MARCHF5: variants seen among roughly 807,000 people sequenced by gnomAD.
MARCHF5 encodes membrane associated ring-CH-type finger 5.
A neutral mutation model predicts 36.5 loss-of-function variants in MARCHF5; 5 were observed. The observed-to-expected ratio is 0.14, with a 90% confidence interval of 0.07 to 0.29. The LOEUF (loss-of-function observed/expected upper bound fraction) is 0.29. Ranked by LOEUF, MARCHF5 falls within the 10% of genes least tolerant of loss-of-function variation. The pLI, the probability that MARCHF5 is intolerant of heterozygous loss-of-function variation, is 1.00. For missense variants in MARCHF5, 179 were observed against 336.3 expected (o/e 0.53, Z 3.66); for synonymous variants, 103 against 109.9 (o/e 0.94, Z 0.39).
At chr10:92,311,384 A>T (rs1465619515) in intron 2 of MARCHF5, 47 bp downstream of exon 2, 3 of 1,275,826 alleles carry the variant, frequency 2.4e-6, no homozygotes, top group Non-Finnish European at 2.2e-6. Flanking sequence ...ATGTTATTAT[A>T]TATAACTTTA....
At chr10:92,309,025 A>G (rs1843113051) in intron 1 of MARCHF5, among the ~76,000 whole-genome samples, 1 of 152,196 alleles carries the variant, frequency 6.6e-6, no homozygotes, top group Non-Finnish European at 1.5e-5. Context: ...TTTAAATGTC[A>G]GTTCTAAAAA....
Position 92,291,815 on chromosome 10 carries a change from T to C in MARCHF5, c.35+286T>C, listed in dbSNP as rs919643694. 9.2e-5 allele frequency among the ~76,000 whole-genome samples: 14 copies of C among 152,252 alleles called. No homozygotes were observed. The South Asian group carries it at 2.3e-3, about 25-fold the overall frequency. ...CTCCTGTTAATCCACAAAATTAGTT[T>C]TCCTTACCCTCTTCCCCTCCCCCTT... is the stretch of plus-strand genomic sequence containing the variant. On this transcript the variant is annotated intron_variant, in intron 1 of 5. Coordinates refer to ENST00000358935, the MANE Select transcript of MARCHF5 (RefSeq NM_017824.5).
chr10:92,305,267 C>T (rs1325763285), intron 1 of MARCHF5, among the ~76,000 whole-genome samples: 7 of 152,006 alleles, frequency 4.6e-5, no homozygotes, highest in East Asian at 1.9e-4. Flanking sequence ...ATTAGCCAGA[C>T]GTGGTGGCAC....
Position 92,291,522 on chromosome 10 carries a change from C to T in MARCHF5, c.28C>T (p.Leu10=). Residue 10 remains leucine (L), a synonymous_variant, in exon 1 of 6, where the codon CTG becomes TTG. Coordinates refer to ENST00000358935, the MANE Select transcript of MARCHF5 (RefSeq NM_017824.5). ...GCCGGACCAAGCCCTACAGCAGATGCTGGACAGGTACGGGCAGCTGTGGGG... is the reference window on the plus strand; with the variant it reads ...GCCGGACCAAGCCCTACAGCAGATGTTGGACAGGTACGGGCAGCTGTGGGG... MPDQALQQM[L]DRSCWVCFAT... is the part of the protein sequence containing the mutation. 2 of 1,546,184 alleles carry T rather than the reference C, an allele frequency of 1.3e-6. No homozygotes were observed. The highest frequency in any genetic ancestry group is 1.7e-6 in the Non-Finnish European group (2 of 1,145,018).
chr10:92,331,172 C>T (rs964317872), intron 2 of MARCHF5, among the ~76,000 whole-genome samples: 2 of 151,980 alleles, frequency 1.3e-5, no homozygotes, highest in African/African-American at 2.4e-5. Flanking sequence ...TTAGTGCTGC[C>T]AGCTGTTTTT....
At chr10:92,334,816 TC>T (rs1843484102) in intron 2 of MARCHF5, among the ~76,000 whole-genome samples, 1 of 152,240 alleles carries the variant, frequency 6.6e-6, no homozygotes, top group South Asian at 2.1e-4. Flanking sequence ...CTTTTTTATG[TC>T]ATTCATGTCT....
chr10:92,337,121 C>CAAAAAAAA (rs199761409), intron 2 of MARCHF5, among the ~76,000 whole-genome samples: 3 of 129,476 alleles, frequency 2.3e-5, no homozygotes, highest in East Asian at 4.5e-4. Flanking sequence ...GACTCTGTCT[C>CAAAAAAAA]AAAAAAAAAA....
At chr10:92,299,406 C>T (rs1842986426) in intron 1 of MARCHF5, among the ~76,000 whole-genome samples, 1 of 152,132 alleles carries the variant, frequency 6.6e-6, no homozygotes, top group African/African-American at 2.4e-5. Flanking sequence ...CTTTCCTGCA[C>T]TCCCCTTCAT....
In MARCHF5 at chr10:92,311,078, A is replaced by G. The variant is rs1843139670; in HGVS notation, c.36-57A>G. On this transcript the variant is annotated intron_variant, in intron 1 of 5. Transcript: ENST00000358935. Reference sequence around the variant, plus strand: ...TCCCATTAAGTAAGAGCTGCAGTATAGAGGAGGCTGGAGTCCTAAAGATAT... The same window carrying G: ...TCCCATTAAGTAAGAGCTGCAGTATGGAGGAGGCTGGAGTCCTAAAGATAT... 3.1e-6 allele frequency: 4 copies of G among 1,301,184 alleles called. No homozygotes were observed. In the African/African-American group the frequency reaches 4.4e-5, roughly 14 times the overall value. 80.6% of individuals were successfully genotyped at this position (1,301,184 alleles called of 1,614,324 possible). A position where few individuals can be genotyped will look rare whatever the true frequency, so the allele number is the denominator to read the frequency against.
intron 1 of MARCHF5, among the ~76,000 whole-genome samples, chr10:92,294,123 A>G (rs1842923136): frequency 6.6e-6 from 1 of 152,212 alleles, no homozygotes; most frequent in African/African-American, 2.4e-5. Flanking sequence ...TGTTTTAGAT[A>G]TGGCAGAAAC....
intron 2 of MARCHF5, among the ~76,000 whole-genome samples, chr10:92,332,946 C>T (rs973875334): frequency 2.0e-5 from 3 of 151,864 alleles, no homozygotes; most frequent in Non-Finnish European, 4.4e-5. Context: ...GGGCGGATTA[C>T]CTGAGGTCAG....
chr10:92,311,045 C>T, intron 1 of MARCHF5, 90 bp from the exon 2 acceptor site: 1 of 863,084 alleles, frequency 1.2e-6, no homozygotes, highest in Non-Finnish European at 1.8e-6. Context: ...TATAACATAG[C>T]AGGCTCATCC....
intron 1 of MARCHF5, among the ~76,000 whole-genome samples, chr10:92,297,995 C>T (rs939134237): frequency 2.0e-5 from 3 of 152,094 alleles, no homozygotes; most frequent in Non-Finnish European, 2.9e-5. Context: ...CTCAGGAGTT[C>T]AAGACCAGCC....
intron 1 of MARCHF5, among the ~76,000 whole-genome samples, chr10:92,295,410 T>A (rs1190243736): frequency 8.6e-5 from 12 of 139,382 alleles, no homozygotes; most frequent in East Asian, 8.2e-4. Flanking sequence ...TTTATTTATT[T>A]TTTATTTTTT....
At chr10:92,333,281 T>C (rs538804889) in intron 2 of MARCHF5, among the ~76,000 whole-genome samples, 6 of 152,038 alleles carry the variant, frequency 3.9e-5, no homozygotes, top group African/African-American at 7.2e-5. Context: ...AGTCAAGTAC[T>C]GGCCACAGAG....
At chr10:92,316,128 C>G (rs752092995) in intron 2 of MARCHF5, among the ~76,000 whole-genome samples, 3 of 151,952 alleles carry the variant, frequency 2.0e-5, no homozygotes, top group Non-Finnish European at 4.4e-5. Flanking sequence ...GGTTAATATT[C>G]TATGGGATGA....
intron 1 of MARCHF5, among the ~76,000 whole-genome samples, chr10:92,293,878 C>T (rs1294763312): frequency 6.6e-6 from 1 of 152,090 alleles, no homozygotes; most frequent in Admixed American, 6.6e-5. Context: ...CACTGGCTTA[C>T]TCTCATCTTT....
At chr10:92,338,034 A>G (rs1843525994) in intron 2 of MARCHF5, among the ~76,000 whole-genome samples, 1 of 151,850 alleles carries the variant, frequency 6.6e-6, no homozygotes. Flanking sequence ...AATTTAAATA[A>G]AGAAAATTAG....
At chr10:92,342,222 G>T (rs890254057) in intron 3 of MARCHF5, among the ~76,000 whole-genome samples, 29 of 149,702 alleles carry the variant, frequency 1.9e-4, no homozygotes, top group South Asian at 4.3e-4. Context: ...GCAATCAAGG[G>T]TCACTGCAGC....
Sources: allele counts gnomAD v4.1 joint callset (sites outside exome capture counted in the v4.1 genomes callset), GRCh38; gene constraint gnomAD v4.1.1; transcripts MANE v1.5; gene names NCBI Gene and HGNC (gene_info 2026-07-23, HGNC 2026-07-21).